The following ELSPBP1 variants were observed in gnomAD, a reference collection of about 807,000 sequenced individuals.
The protein encoded by ELSPBP1 is epididymal sperm binding protein 1.
In ELSPBP1, 38 loss-of-function variants were observed where a neutral mutation model predicts 33.3. The ratio of observed to expected loss-of-function variants is 1.14; its 90% CI spans 0.88 to 1.50. The LOEUF (loss-of-function observed/expected upper bound fraction) is 1.50. ELSPBP1 is among the 40% of genes most tolerant of loss of function. The pLI is 0.00. For missense variants in ELSPBP1, 267 were observed against 263.5 expected, an observed-to-expected ratio of 1.01 and a Z score of -0.09; for synonymous variants, 85 against 94.1, an observed-to-expected ratio of 0.90 and a Z score of 0.56.
At chr19:48,017,074 C>T (rs1771101110) in intron 4 of ELSPBP1, among the ~76,000 whole-genome samples, 1 of 152,202 alleles carries the variant, frequency 6.6e-6, no homozygotes, top group African/African-American at 2.4e-5. Context: ...TCGCCACCAC[C>T]TGTTCAATAA....
At chr19:48,022,049 A>T in intron 5 of ELSPBP1, 121 bp from the exon 6 acceptor site, 3 of 851,476 alleles carry the variant, frequency 3.5e-6, no homozygotes, top group African/African-American at 1.7e-5. Context: ...TGCTGGGATT[A>T]AAGGCGCGAA....
intron 1 of ELSPBP1, among the ~76,000 whole-genome samples, chr19:47,995,380 G>C (rs1469760333): frequency 6.6e-6 from 1 of 152,234 alleles, no homozygotes; most frequent in Non-Finnish European, 1.5e-5. Flanking sequence ...CAAGTTACCT[G>C]TTAAGAGACT....
intron 4 of ELSPBP1, among the ~76,000 whole-genome samples, chr19:48,016,997 A>G (rs1159599286): frequency 6.6e-6 from 1 of 152,174 alleles, no homozygotes; most frequent in Non-Finnish European, 1.5e-5. Flanking sequence ...TCTGTCCTAC[A>G]CTGATCCAAG....
intron 1 of ELSPBP1, among the ~76,000 whole-genome samples, chr19:48,006,621 CAAAAAAAA>C (rs1190341508): frequency 1.4e-4 from 3 of 20,880 alleles, no homozygotes; most frequent in African/African-American, 1.6e-4. Flanking sequence ...GACCCTGTCT[CAAAAAAAA>C]AAAAAAAAAA....
At chr19:47,999,881 G>C (rs1966950020) in intron 1 of ELSPBP1, among the ~76,000 whole-genome samples, 1 of 151,382 alleles carries the variant, frequency 6.6e-6, no homozygotes. Context: ...GGAGTGCAGT[G>C]GTGCAATCAT....
chr19:48,021,932 G>A (rs1477351025), intron 5 of ELSPBP1, among the ~76,000 whole-genome samples: 3 of 151,742 alleles, frequency 2.0e-5, no homozygotes, highest in South Asian at 2.1e-4. Context: ...TTTTTTGTAG[G>A]GACGGGGTTT....
In ELSPBP1 at chr19:47,996,322, TG is replaced by T. The variant is rs548404215; in HGVS notation, c.-18+1513del. Among the ~76,000 whole-genome samples, 712 of 152,308 alleles carry T rather than the reference TG, an allele frequency of 4.7e-3. 6 individuals are homozygous for T. Among genetic ancestry groups the T allele is most frequent in the African/African-American group, 0.016 (680 of 41,572 alleles). ...GGCAGAAATCATGTATGGTTCCTCT[TG>T]GTACTTGACACAGTTTCTTATGGAT... is the stretch of plus-strand genomic sequence containing the variant. On this transcript the variant is annotated intron_variant, in intron 1 of 6. Coordinates refer to ENST00000339841, the MANE Select transcript of ELSPBP1 (RefSeq NM_022142.5).
chr19:48,008,784 A>G lies in ELSPBP1; in HGVS notation c.70+47A>G, dbSNP rs759137944. 40 of 1,525,686 alleles carry G rather than the reference A, an allele frequency of 2.6e-5. No homozygotes were observed. In the South Asian group the frequency reaches 4.1e-4, roughly 16 times the overall value. 94.5% of individuals were successfully genotyped at this position (1,525,686 alleles called of 1,614,324 possible). A position where few individuals can be genotyped will look rare whatever the true frequency, so the allele number is the denominator to read the frequency against. On this transcript the variant is annotated intron_variant, in intron 2 of 6. Transcript: ENST00000339841. ...GGGAGGATTTAGAAGCTGGAGAAGA[A>G]TGAATGGGGCAAAGCAAAGATTCCT...
intron 4 of ELSPBP1, among the ~76,000 whole-genome samples, chr19:48,017,342 C>A (rs1246048763): frequency 6.6e-6 from 1 of 152,226 alleles, no homozygotes; most frequent in Non-Finnish European, 1.5e-5. Flanking sequence ...TAGCCCTAAT[C>A]ATCCACCATT....
At position 48,022,732 on chromosome 19, in the gene ELSPBP1, C is replaced by T. The variant is rs569856563; in HGVS notation, c.*7+398C>T. On this transcript the variant is annotated intron_variant, in intron 6 of 6. Transcript: ENST00000339841. ...AAAAGTGGAATTTCTCAAAGTGGAGCATGGTATGAAAAAACAACCCAGAAA... is the reference window on the plus strand; with the variant it reads ...AAAAGTGGAATTTCTCAAAGTGGAGTATGGTATGAAAAAACAACCCAGAAA... Among the ~76,000 whole-genome samples the T allele has an allele frequency of 3.0e-4, 45 of 152,074 alleles. No individual in the cohort carries two copies. In the South Asian group the frequency reaches 4.6e-3, roughly 15 times the overall value.
chr19:48,023,875 T>A (rs1967241286), intron 6 of ELSPBP1, among the ~76,000 whole-genome samples: 2 of 151,820 alleles, frequency 1.3e-5, no homozygotes, highest in Non-Finnish European at 2.9e-5. Context: ...TTATTTTATT[T>A]ATTTATTTTT....
At chr19:47,995,285 G>A (rs1008392508) in intron 1 of ELSPBP1, among the ~76,000 whole-genome samples, 1 of 152,118 alleles carries the variant, frequency 6.6e-6, no homozygotes, top group African/African-American at 2.4e-5. Flanking sequence ...CAAAGAAATG[G>A]GTTAAACCAG....
At chr19:48,007,978 T>C (rs568120807) in intron 1 of ELSPBP1, among the ~76,000 whole-genome samples, 2 of 152,282 alleles carry the variant, frequency 1.3e-5, no homozygotes, top group East Asian at 1.9e-4. Flanking sequence ...CACACTTTCC[T>C]AAGGACAGTA....
chr19:47,998,458 T>C (rs1013393481), intron 1 of ELSPBP1, among the ~76,000 whole-genome samples: 4 of 147,992 alleles, frequency 2.7e-5, no homozygotes, highest in Non-Finnish European at 4.4e-5. Context: ...TCTCAGGGAT[T>C]GGGCTAATGA....
chr19:48,006,631 A>AT (rs1275038879), intron 1 of ELSPBP1, among the ~76,000 whole-genome samples: 1 of 128,956 alleles, frequency 7.8e-6, no homozygotes, highest in East Asian at 2.1e-4. Context: ...CAAAAAAAAA[A>AT]AAAAAAAAAA....
At chr19:47,999,246 G>T (rs564364794) in intron 1 of ELSPBP1, among the ~76,000 whole-genome samples, 1 of 152,068 alleles carries the variant, frequency 6.6e-6, no homozygotes, top group Non-Finnish European at 1.5e-5. Context: ...GGTTACTGTG[G>T]TAGAATACAC....
At chr19:48,014,097 G>A in intron 2 of ELSPBP1, 74 bp from the exon 3 acceptor site, 1 of 1,541,396 alleles carries the variant, frequency 6.5e-7, no homozygotes, top group Non-Finnish European at 8.8e-7. Context: ...TAAAGCAAGA[G>A]CCAAACCAAG....
intron 4 of ELSPBP1, among the ~76,000 whole-genome samples, chr19:48,017,075 T>C (rs1967150453): frequency 6.6e-6 from 1 of 152,214 alleles, no homozygotes; most frequent in African/African-American, 2.4e-5. Context: ...CGCCACCACC[T>C]GTTCAATAAA....
intron 4 of ELSPBP1, among the ~76,000 whole-genome samples, chr19:48,017,204 G>A (rs772488824): frequency 4.6e-5 from 7 of 151,854 alleles, no homozygotes; most frequent in Non-Finnish European, 8.8e-5. Context: ...GCATTGTTGC[G>A]TCCACAGAGA....
Sources: gnomAD v4.1 joint callset for allele counts (sites outside exome capture counted in the v4.1 genomes callset) on GRCh38, gnomAD v4.1.1 for gene constraint, MANE v1.5 for transcripts, NCBI Gene and HGNC (gene_info 2026-07-23, HGNC 2026-07-21) for gene names.